The following COMMD1 variants were observed in gnomAD, a reference collection of about 807,000 sequenced individuals.
COMMD1 encodes copper metabolism domain containing 1.
Under a neutral mutation model 17.2 loss-of-function variants are expected in COMMD1, and 10 were observed. That is an observed-to-expected ratio of 0.58 (90% CI 0.36 to 0.99). The LOEUF is 0.99. COMMD1 is among the 50% of genes least tolerant of loss of function. The pLI, the probability that COMMD1 is intolerant of heterozygous loss-of-function variation, is 0.01. For synonymous variants in COMMD1, 97 were observed against 91.6 expected, an observed-to-expected ratio of 1.06 and a Z score of -0.34; for missense variants, 270 against 231.8, an observed-to-expected ratio of 1.17 and a Z score of -1.07.
chr2:61,930,578 A>G (rs992368953), intron 1 of COMMD1, among the ~76,000 whole-genome samples: 6 of 151,228 alleles, frequency 4.0e-5, no homozygotes, highest in South Asian at 4.2e-4. Context: ...ATAAAAAATA[A>G]TGAGACTTCT....
chr2:62,122,115 C>A (rs1205277973), intron 2 of COMMD1, among the ~76,000 whole-genome samples: 6 of 152,254 alleles, frequency 3.9e-5, no homozygotes, highest in East Asian at 3.9e-4. Flanking sequence ...TTGTACAGCC[C>A]TTTAATGCAT....
intron 1 of COMMD1, among the ~76,000 whole-genome samples, chr2:61,929,987 T>G (rs1414203802): frequency 6.6e-6 from 1 of 151,986 alleles, no homozygotes; most frequent in African/African-American, 2.4e-5. Context: ...CATAAGGGAC[T>G]CAGCCATAAA....
exon 1 of COMMD1, chr2:61,888,789 G>A (rs1278842025): frequency 6.1e-6 from 3 of 488,472 alleles, no homozygotes; most frequent in Non-Finnish European, 1.1e-5. Flanking sequence ...GAAGAGCGCC[G>A]GGGGAACCTT....
intron 1 of COMMD1, among the ~76,000 whole-genome samples, chr2:61,911,581 G>C (rs1558518790): frequency 6.6e-6 from 1 of 152,136 alleles, no homozygotes; most frequent in Non-Finnish European, 1.5e-5. Context: ...TGATCCTCCT[G>C]CCTCAGTCTC....
intron 1 of COMMD1, among the ~76,000 whole-genome samples, chr2:61,972,179 A>G (rs539139264): frequency 2.0e-5 from 3 of 152,368 alleles, no homozygotes; most frequent in South Asian, 2.1e-4. Flanking sequence ...AACTGTAGAC[A>G]TAGTTTAAAC....
chr2:62,110,288 C>A (rs1226759555), intron 2 of COMMD1, among the ~76,000 whole-genome samples: 1 of 152,034 alleles, frequency 6.6e-6, no homozygotes, highest in Non-Finnish European at 1.5e-5. Context: ...CCAGGCTGGT[C>A]ATCTACTTCT....
intron 2 of COMMD1, among the ~76,000 whole-genome samples, chr2:62,130,501 C>A (rs1239815532): frequency 6.6e-6 from 1 of 152,070 alleles, no homozygotes; most frequent in Non-Finnish European, 1.5e-5. Context: ...CTCCATCCCC[C>A]AAATTTATCA....
At chr2:62,033,531 C>A (rs1055945371) in intron 2 of COMMD1, among the ~76,000 whole-genome samples, 2 of 151,282 alleles carry the variant, frequency 1.3e-5, no homozygotes, top group Non-Finnish European at 3.0e-5. Context: ...ACTGCTTGAG[C>A]CCAGGAGTAC....
intron 1 of COMMD1, among the ~76,000 whole-genome samples, chr2:61,938,584 C>G (rs1424745665): frequency 2.0e-5 from 3 of 152,158 alleles, no homozygotes; most frequent in Non-Finnish European, 4.4e-5. Context: ...TGTTCTAAGG[C>G]CTTTTCAGAT....
intron 1 of COMMD1, among the ~76,000 whole-genome samples, chr2:61,918,254 A>C (rs1301289811): frequency 6.6e-6 from 1 of 152,236 alleles, no homozygotes; most frequent in Non-Finnish European, 1.5e-5. Context: ...AGTTCTATAA[A>C]TATATTCCTT....
intron 2 of COMMD1, among the ~76,000 whole-genome samples, chr2:62,099,401 C>T (rs182096015): frequency 6.6e-6 from 1 of 152,200 alleles, no homozygotes; most frequent in Admixed American, 6.5e-5. Context: ...TCAAAAGTTC[C>T]CCATTTTGGA....
chr2:62,046,158 A>G (rs1253219729), intron 2 of COMMD1, among the ~76,000 whole-genome samples: 1 of 152,214 alleles, frequency 6.6e-6, no homozygotes. Flanking sequence ...TACTGTCATA[A>G]TTTTGCAAAG....
intron 2 of COMMD1, among the ~76,000 whole-genome samples, chr2:62,017,147 T>C (rs1669471447): frequency 1.3e-5 from 2 of 152,224 alleles, no homozygotes; most frequent in African/African-American, 4.8e-5. Context: ...GCCAGAGTTA[T>C]TAACCTAAGT....
At chr2:62,047,385 G>A (rs928049947) in intron 2 of COMMD1, among the ~76,000 whole-genome samples, 4 of 152,048 alleles carry the variant, frequency 2.6e-5, no homozygotes, top group African/African-American at 9.7e-5. Context: ...CACGTTCACG[G>A]ACCACTGACA....
chr2:61,909,072 G>C (rs757853132), intron 1 of COMMD1, among the ~76,000 whole-genome samples: 1 of 152,064 alleles, frequency 6.6e-6, no homozygotes, highest in South Asian at 2.1e-4. Context: ...GGGATTACAA[G>C]CATGCACCAC....
chr2:61,894,957 G>A (rs1669523249), intron 1 of COMMD1, among the ~76,000 whole-genome samples: 1 of 152,126 alleles, frequency 6.6e-6, no homozygotes, highest in African/African-American at 2.4e-5. Context: ...CTACCAAAGT[G>A]CTGGGATTAC....
At chr2:62,092,475 T>G (rs1235237714) in intron 2 of COMMD1, among the ~76,000 whole-genome samples, 1 of 152,136 alleles carries the variant, frequency 6.6e-6, no homozygotes, top group Non-Finnish European at 1.5e-5. Flanking sequence ...AGGAAAGTGG[T>G]CAAGTGCTTG....
chr2:62,064,013 T>C (rs1471473990), intron 2 of COMMD1, among the ~76,000 whole-genome samples: 1 of 150,298 alleles, frequency 6.7e-6, no homozygotes, highest in Non-Finnish European at 1.5e-5. Flanking sequence ...CACCACTGTA[T>C]GCCAGCTTGA....
At chr2:62,044,308 C>T (rs1354860662) in intron 2 of COMMD1, among the ~76,000 whole-genome samples, 6 of 152,178 alleles carry the variant, frequency 3.9e-5, no homozygotes, top group African/African-American at 7.2e-5. Context: ...AGTTAGTCTT[C>T]GTAACATTAG....
Sources: allele counts gnomAD v4.1 joint callset (sites outside exome capture counted in the v4.1 genomes callset), GRCh38; gene constraint gnomAD v4.1.1; transcripts MANE v1.5; gene names NCBI Gene and HGNC (gene_info 2026-07-23, HGNC 2026-07-21).